VWA8: variants seen among roughly 807,000 people sequenced by gnomAD.
VWA8 encodes von Willebrand factor A domain containing 8.
Under a neutral mutation model 241.5 loss-of-function variants are expected in VWA8, and 221 were observed. The observed-to-expected ratio is 0.91, with a 90% CI of 0.82 to 1.02. The LOEUF (loss-of-function observed/expected upper bound fraction) is 1.02, where lower values mean the gene tolerates loss of function less well. Ranked by LOEUF, VWA8 falls within the 50% of genes least tolerant of loss-of-function variation. The pLI is 0.00. For synonymous variants in VWA8, 852 were observed against 827.1 expected (o/e 1.03, Z -0.52); for missense variants, 2,322 against 2,328.7 (o/e 1.00, Z 0.06).
At chr13:41,907,955 T>C (rs1264063114) in intron 3 of VWA8, among the ~76,000 whole-genome samples, 1 of 152,252 alleles carries the variant, frequency 6.6e-6, no homozygotes, top group East Asian at 1.9e-4. Context: ...AATCCAATTT[T>C]ACAAACCTTA....
intron 19 of VWA8, among the ~76,000 whole-genome samples, chr13:41,778,682 G>GC (rs1868734552): frequency 6.6e-6 from 1 of 152,002 alleles, no homozygotes; most frequent in Non-Finnish European, 1.5e-5. Flanking sequence ...CTACACTCCA[G>GC]CACAATTAAT....
intron 38 of VWA8, among the ~76,000 whole-genome samples, 169 bp downstream of exon 38, chr13:41,614,807 A>G (rs551919111): frequency 5.3e-5 from 8 of 152,178 alleles, no homozygotes; most frequent in South Asian, 2.1e-4. Context: ...GGCTCTTCAC[A>G]TGCCTTGATG....
At chr13:41,950,400 ACT>A (rs1158254950) in intron 1 of VWA8, among the ~76,000 whole-genome samples, 1 of 151,290 alleles carries the variant, frequency 6.6e-6, no homozygotes, top group Non-Finnish European at 1.5e-5. Flanking sequence ...ATGGAGTCTC[ACT>A]CTGTCACCTG....
At chr13:41,752,365 G>T (rs80329716) in intron 21 of VWA8, among the ~76,000 whole-genome samples, 1 of 151,978 alleles carries the variant, frequency 6.6e-6, no homozygotes, top group Non-Finnish European at 1.5e-5. Flanking sequence ...AGGCTCCCAC[G>T]ACACCTGCAC....
intron 12 of VWA8, among the ~76,000 whole-genome samples, chr13:41,838,380 T>A (rs994042639): frequency 6.6e-6 from 1 of 152,138 alleles, no homozygotes; most frequent in East Asian, 1.9e-4. Context: ...GTAAAGAAAT[T>A]TGAGCTACCT....
At chr13:41,587,783 G>A in intron 41 of VWA8, 113 bp from the exon 42 acceptor site, 1 of 1,298,536 alleles carries the variant, frequency 7.7e-7, no homozygotes, top group Non-Finnish European at 1.1e-6. Context: ...GGGCAGACCA[G>A]CCATAGGCTC....
intron 21 of VWA8, among the ~76,000 whole-genome samples, chr13:41,756,984 C>T (rs1410199981): frequency 2.0e-5 from 3 of 151,702 alleles, no homozygotes; most frequent in Admixed American, 6.6e-5. Context: ...ATTGGTCTTG[C>T]TATGTGCCCT....
chr13:41,820,060 G>A (rs1396128861), intron 14 of VWA8, among the ~76,000 whole-genome samples: 1 of 152,138 alleles, frequency 6.6e-6, no homozygotes, highest in Non-Finnish European at 1.5e-5. Flanking sequence ...ACACACAGAG[G>A]AGTAAGATAA....
intron 4 of VWA8, among the ~76,000 whole-genome samples, chr13:41,901,586 G>A (rs1204894147): frequency 1.3e-5 from 2 of 151,830 alleles, no homozygotes; most frequent in African/African-American, 2.4e-5. Context: ...TATACAAGTA[G>A]GCCAGTCGCA....
At chr13:41,743,486 T>C (rs905949993) in intron 21 of VWA8, among the ~76,000 whole-genome samples, 4 of 152,212 alleles carry the variant, frequency 2.6e-5, no homozygotes, top group Non-Finnish European at 5.9e-5. Flanking sequence ...GGTTGGCTAT[T>C]ACTTCGCTTA....
At chr13:41,905,532 G>C (rs568474555) in intron 4 of VWA8, among the ~76,000 whole-genome samples, 6 of 151,914 alleles carry the variant, frequency 3.9e-5, no homozygotes, top group Non-Finnish European at 8.8e-5. Context: ...TAAGAACTTT[G>C]AATCTAAAAG....
intron 42 of VWA8, among the ~76,000 whole-genome samples, chr13:41,585,787 C>G (rs979926955): frequency 1.3e-5 from 2 of 151,010 alleles, no homozygotes; most frequent in African/African-American, 2.4e-5. Flanking sequence ...TCGCTTGAAC[C>G]CAGGAGGCAG....
chr13:41,743,492 G>A (rs558516742), intron 21 of VWA8, among the ~76,000 whole-genome samples: 6 of 152,216 alleles, frequency 3.9e-5, no homozygotes, highest in South Asian at 2.1e-4. Flanking sequence ...CTATTACTTC[G>A]CTTACAGATC....
chr13:41,812,572 T>C (rs1159297327), intron 16 of VWA8, among the ~76,000 whole-genome samples: 1 of 152,146 alleles, frequency 6.6e-6, no homozygotes. Flanking sequence ...CATTTGCTTG[T>C]TTTAATGTTC....
chr13:41,730,772 T>C (rs2045476440), intron 22 of VWA8, among the ~76,000 whole-genome samples: 1 of 152,072 alleles, frequency 6.6e-6, no homozygotes, highest in African/African-American at 2.4e-5. Flanking sequence ...AAGTGGACCA[T>C]ATCCTAATTT....
At chr13:41,904,723 T>C (rs1214304728) in intron 4 of VWA8, among the ~76,000 whole-genome samples, 4 of 152,156 alleles carry the variant, frequency 2.6e-5, no homozygotes, top group Non-Finnish European at 5.9e-5. Context: ...GTTTTAAATG[T>C]ATTAAAATTT....
intron 17 of VWA8, among the ~76,000 whole-genome samples, chr13:41,794,081 C>G (rs1269070711): frequency 6.6e-6 from 1 of 151,712 alleles, no homozygotes; most frequent in Non-Finnish European, 1.5e-5. Flanking sequence ...TGTGTTGTCT[C>G]CAGCTTTTTT....
chr13:41,576,268 G>A (rs1344692508), intron 42 of VWA8, among the ~76,000 whole-genome samples: 1 of 152,240 alleles, frequency 6.6e-6, no homozygotes, highest in Non-Finnish European at 1.5e-5. Context: ...ATCTAAGAGA[G>A]TGCCTAGCAT....
In VWA8 at chr13:41,838,915, C is replaced by T. The variant is rs929003851; in HGVS notation, c.1426-5384G>A. On this transcript the variant is annotated intron_variant, in intron 12 of 44. Transcript: ENST00000379310. ...CTATCATTGATGGGCATTTGGGTTG[C>T]TTCCAAGTCTTTGCTATTGTGAATA... 3.9e-5 allele frequency among the ~76,000 whole-genome samples: 6 copies of T among 152,190 alleles called. No individual in the cohort carries two copies. In the East Asian group the frequency reaches 9.7e-4, roughly 24 times the overall value.
Sources: allele counts gnomAD v4.1 joint callset (sites outside exome capture counted in the v4.1 genomes callset), GRCh38; gene constraint gnomAD v4.1.1; transcripts MANE v1.5; gene names NCBI Gene and HGNC (gene_info 2026-07-23, HGNC 2026-07-21).